Variants in RARB observed in about 807,000 individuals in gnomAD.
RARB encodes the protein retinoic acid receptor beta, also known as HBV-activated protein.
In RARB, 17 loss-of-function variants were observed where a neutral mutation model predicts 51.9. The observed-to-expected ratio is 0.33, with a 90% confidence interval of 0.22 to 0.49. RARB has a LOEUF of 0.49. Among genes scored for constraint, RARB ranks in the 20% least tolerant of loss-of-function variants. The probability of loss-of-function intolerance (pLI) is 0.99; values close to 1 mark genes in which losing one functional copy is unlikely to be tolerated. For synonymous variants in RARB, 215 were observed against 195.4 expected (o/e 1.10, Z -0.84); for missense variants, 369 against 550.8 (o/e 0.67, Z 3.30).
At chr3:25,034,401 C>T (rs532834925) in intron 2 of RARB, among the ~76,000 whole-genome samples, 1 of 152,284 alleles carries the variant, frequency 6.6e-6, no homozygotes, top group African/African-American at 2.4e-5. Context: ...GATGTTTCTC[C>T]ATTTAGCTTA....
chr3:25,392,582 G>C, intron 5 of RARB, among the ~76,000 whole-genome samples: 1 of 152,024 alleles, frequency 6.6e-6, no homozygotes, highest in Admixed American at 6.6e-5. Context: ...GTGTTTTATA[G>C]TTTTCCTTGT....
chr3:25,443,511 C>T (rs1708792529), intron 1 of RARB, among the ~76,000 whole-genome samples: 1 of 151,694 alleles, frequency 6.6e-6, no homozygotes, highest in African/African-American at 2.4e-5. Context: ...ACTCAGGAGG[C>T]TGAGGCAGGA....
rs533065592 is a variant in RARB, at chr3:25,380,817, C to G, written c.179-80376C>G. ...CCTCTTCTCATGTCCTCTATTCACT[C>G]ATCGTGACTGGTTTTGTGCTTAGGT... On this transcript the variant is annotated intron_variant, in intron 5 of 11. Transcript: ENST00000383772. Among the ~76,000 whole-genome samples the G allele has an allele frequency of 5.3e-5, 8 of 152,268 alleles. No homozygotes were observed. The East Asian group carries it at 1.5e-3, about 29-fold the overall frequency.
intron 5 of RARB, among the ~76,000 whole-genome samples, chr3:25,178,471 G>C (rs907697769): frequency 7.2e-5 from 11 of 152,036 alleles, no homozygotes; most frequent in African/African-American, 2.7e-4. Context: ...AGGAGGCTTA[G>C]AGAGAGTAAA....
intron 3 of RARB, among the ~76,000 whole-genome samples, chr3:25,084,638 A>G (rs1029417691): frequency 3.9e-5 from 6 of 152,032 alleles, no homozygotes; most frequent in Non-Finnish European, 8.8e-5. Flanking sequence ...AAGGAGATGT[A>G]TGAGTTTTTC....
chr3:24,996,095 T>C (rs186706434), intron 2 of RARB, among the ~76,000 whole-genome samples: 4 of 152,234 alleles, frequency 2.6e-5, no homozygotes, highest in Non-Finnish European at 2.9e-5. Flanking sequence ...TTCTGGACTT[T>C]TCTTTGTTGG....
At chr3:25,272,966 CT>C (rs2125412250) in intron 5 of RARB, among the ~76,000 whole-genome samples, 1 of 152,324 alleles carries the variant, frequency 6.6e-6, no homozygotes, top group South Asian at 2.1e-4. Context: ...GCCAGTACAA[CT>C]GTTCATGTCA....
At chr3:25,442,537 T>C (rs1232212662) in intron 1 of RARB, among the ~76,000 whole-genome samples, 1 of 152,250 alleles carries the variant, frequency 6.6e-6, no homozygotes, top group Non-Finnish European at 1.5e-5. Context: ...TTATTATTCT[T>C]TCAGTATTTG....
intron 5 of RARB, among the ~76,000 whole-genome samples, chr3:25,306,149 C>A (rs1468884332): frequency 6.6e-6 from 1 of 152,082 alleles, no homozygotes; most frequent in East Asian, 1.9e-4. Context: ...GTCCAGTGCC[C>A]CATTTTTGGA....
At chr3:24,971,697 T>C (rs1696401192) in intron 2 of RARB, among the ~76,000 whole-genome samples, 1 of 152,018 alleles carries the variant, frequency 6.6e-6, no homozygotes. Flanking sequence ...GCTTCAGCTT[T>C]CTGGAACAGT....
chr3:25,024,581 C>G (rs1221471126), intron 2 of RARB, among the ~76,000 whole-genome samples: 1 of 152,086 alleles, frequency 6.6e-6, no homozygotes, highest in African/African-American at 2.4e-5. Flanking sequence ...AAAATAGTCT[C>G]TAAATATAAG....
intron 2 of RARB, among the ~76,000 whole-genome samples, chr3:25,478,121 A>G (rs971356375): frequency 1.3e-5 from 2 of 152,194 alleles, no homozygotes; most frequent in African/African-American, 4.8e-5. Context: ...GCAGAGGACA[A>G]GGTAGGAGCC....
intron 5 of RARB, among the ~76,000 whole-genome samples, chr3:25,310,890 T>C (rs1183999612): frequency 6.6e-6 from 1 of 152,216 alleles, no homozygotes. Flanking sequence ...AGAATTTGCA[T>C]GTAAATAAAT....
At chr3:24,934,525 G>A (rs1192611948) in intron 2 of RARB, among the ~76,000 whole-genome samples, 2 of 151,976 alleles carry the variant, frequency 1.3e-5, no homozygotes, top group African/African-American at 4.8e-5. Flanking sequence ...AATTATATAA[G>A]AATAAGCCCA....
intron 4 of RARB, among the ~76,000 whole-genome samples, chr3:25,165,088 T>C (rs968982890): frequency 6.6e-6 from 1 of 151,548 alleles, no homozygotes; most frequent in South Asian, 2.1e-4. Flanking sequence ...AATTTGGGAG[T>C]TTTTTTTAAG....
intron 2 of RARB, among the ~76,000 whole-genome samples, chr3:24,976,063 T>C (rs1444610192): frequency 1.3e-5 from 2 of 152,180 alleles, no homozygotes; most frequent in Non-Finnish European, 2.9e-5. Context: ...AATGATGGTT[T>C]CCAGCTTCAT....
intron 2 of RARB, among the ~76,000 whole-genome samples, chr3:24,899,721 C>G (rs1703557853): frequency 6.6e-6 from 1 of 152,010 alleles, no homozygotes; most frequent in Non-Finnish European, 1.5e-5. Context: ...AGTCATTTAT[C>G]CCAGATCATG....
At chr3:25,362,724 G>A (rs1183381791) in intron 5 of RARB, among the ~76,000 whole-genome samples, 1 of 152,166 alleles carries the variant, frequency 6.6e-6, no homozygotes, top group Non-Finnish European at 1.5e-5. Context: ...GGTTAGGGGA[G>A]GGAGTTCCCT....
At chr3:25,482,066 C>A (rs1400900770) in intron 2 of RARB, among the ~76,000 whole-genome samples, 1 of 152,196 alleles carries the variant, frequency 6.6e-6, no homozygotes, top group African/African-American at 2.4e-5. Context: ...AGCCCCCAAC[C>A]ACTAGACTAC....
Sources: gnomAD v4.1 joint callset for allele counts (sites outside exome capture counted in the v4.1 genomes callset) on GRCh38, gnomAD v4.1.1 for gene constraint, MANE v1.5 for transcripts, NCBI Gene and HGNC (gene_info 2026-07-23, HGNC 2026-07-21) for gene names.